CMBL: variants seen among roughly 807,000 people sequenced by gnomAD.
CMBL encodes the protein carboxymethylenebutenolidase homolog (Pseudomonas).
A neutral mutation model predicts 28.7 loss-of-function variants in CMBL; 17 were observed. The ratio of observed to expected loss-of-function variants is 0.59; its 90% CI spans 0.41 to 0.89. The LOEUF is 0.89. CMBL is among the 40% of genes least tolerant of loss of function. The probability of loss-of-function intolerance (pLI) is 0.00; values close to 1 mark genes in which losing one functional copy is unlikely to be tolerated. For synonymous variants in CMBL, 106 were observed against 101.6 expected, an observed-to-expected ratio of 1.04 and a Z score of -0.26; for missense variants, 310 against 298.5, an observed-to-expected ratio of 1.04 and a Z score of -0.28.
rs1234305699 is a variant in CMBL at position 10,290,741 on chromosome 5, A to G, written c.22T>C (p.Cys8Arg). 6.2e-7 allele frequency: 1 copy of G among 1,614,120 alleles called. No homozygotes were observed. The highest frequency in any genetic ancestry group is 8.5e-7 in the Non-Finnish European group (1 of 1,180,044). Residue 8 changes from cysteine (C) to arginine (R), a missense_variant, in exon 2 of 6, where the codon TGT (cysteine) becomes CGT (arginine). Cys to Arg is a radical substitution (Grantham distance 180). Coordinates refer to ENST00000296658, the MANE Select transcript of CMBL (RefSeq NM_138809.4). ...AGTCTGTGGCCAATGTCACACGGAC[A>G]AGGATAAGCTTCGTTAGCCATTGCA... Reference protein sequence around the residue: MANEAYPCPCDIGHRLEY... With the variant: MANEAYPRPCDIGHRLEY...
At chr5:10,300,282 C>A (rs138441092) in intron 1 of CMBL, among the ~76,000 whole-genome samples, 5 of 152,234 alleles carry the variant, frequency 3.3e-5, no homozygotes, top group Non-Finnish European at 7.4e-5. Flanking sequence ...CCACCAGACG[C>A]TGGAATAGGC....
At chr5:10,290,369 T>C (rs1043992589) in intron 2 of CMBL, 179 bp downstream of exon 2, 3 of 612,402 alleles carry the variant, frequency 4.9e-6, no homozygotes, top group Middle Eastern at 8.7e-4. Context: ...GAGCACCAGG[T>C]GGGTGTTTAA....
At chr5:10,297,956 G>A (rs1746837339) in intron 1 of CMBL, among the ~76,000 whole-genome samples, 1 of 152,166 alleles carries the variant, frequency 6.6e-6, no homozygotes, top group Admixed American at 6.5e-5. Flanking sequence ...GTGAGAGGCG[G>A]GACGAGGGCT....
intron 1 of CMBL, among the ~76,000 whole-genome samples, chr5:10,303,541 A>G (rs1746947245): frequency 6.6e-6 from 1 of 152,230 alleles, no homozygotes; most frequent in Non-Finnish European, 1.5e-5. Flanking sequence ...AAAAACTAAC[A>G]GATGTTCTAA....
intron 3 of CMBL, 55 bp downstream of exon 3, chr5:10,288,367 G>C (rs1312472408): frequency 2.3e-6 from 3 of 1,300,302 alleles, no homozygotes; most frequent in Non-Finnish European, 3.4e-6. Flanking sequence ...AGCCCACCCA[G>C]CTCTCACCTC....
chr5:10,297,270 C>A (rs942478654), intron 1 of CMBL, among the ~76,000 whole-genome samples: 3 of 150,270 alleles, frequency 2.0e-5, no homozygotes, highest in Non-Finnish European at 4.4e-5. Flanking sequence ...AGACTTTTGA[C>A]AGAAAAAGGA....
chr5:10,294,748 G>A (rs1746780145), intron 1 of CMBL, among the ~76,000 whole-genome samples: 1 of 152,228 alleles, frequency 6.6e-6, no homozygotes, highest in East Asian at 1.9e-4. Context: ...TTACGGCAGA[G>A]CCACTCAGTT....
intron 1 of CMBL, among the ~76,000 whole-genome samples, chr5:10,301,499 G>C (rs1010540835): frequency 2.6e-5 from 4 of 152,034 alleles, no homozygotes; most frequent in African/African-American, 9.7e-5. Flanking sequence ...GGTAAGGGGT[G>C]GGGGCGCGTG....
intron 1 of CMBL, among the ~76,000 whole-genome samples, chr5:10,300,422 G>A (rs1421745219): frequency 6.6e-6 from 1 of 152,104 alleles, no homozygotes; most frequent in Non-Finnish European, 1.5e-5. Flanking sequence ...GTAATGTTAT[G>A]GCAGCCCTAG....
At chr5:10,302,208 T>C (rs925119907) in intron 1 of CMBL, among the ~76,000 whole-genome samples, 1 of 152,214 alleles carries the variant, frequency 6.6e-6, no homozygotes, top group African/African-American at 2.4e-5. Context: ...ATATTTTCTG[T>C]ATATACCTTT....
chr5:10,295,927 GC>G (rs1441186998), intron 1 of CMBL, among the ~76,000 whole-genome samples: 2 of 152,264 alleles, frequency 1.3e-5, no homozygotes, highest in African/African-American at 4.8e-5. Flanking sequence ...GTTTAAAAGG[GC>G]CCCGCACTTA....
intron 1 of CMBL, among the ~76,000 whole-genome samples, chr5:10,293,337 G>A (rs1746758060): frequency 6.6e-6 from 1 of 152,220 alleles, no homozygotes; most frequent in African/African-American, 2.4e-5. Context: ...GGGACTGGCA[G>A]ATGCAATGTT....
intron 1 of CMBL, among the ~76,000 whole-genome samples, chr5:10,300,090 A>G (rs1250395392): frequency 7.9e-5 from 12 of 152,212 alleles, no homozygotes; most frequent in Admixed American, 7.9e-4. Flanking sequence ...GTCCTTGCAG[A>G]TGTCCTGTAG....
intron 1 of CMBL, 86 bp from the exon 2 acceptor site, chr5:10,290,867 A>G: frequency 1.9e-6 from 2 of 1,044,300 alleles, no homozygotes; most frequent in Non-Finnish European, 2.8e-6. Context: ...TCAAGATTAT[A>G]GAAAAAAATT....
At chr5:10,287,227 T>C (rs890453680) in intron 3 of CMBL, among the ~76,000 whole-genome samples, 5 of 152,228 alleles carry the variant, frequency 3.3e-5, no homozygotes, top group African/African-American at 1.2e-4. Flanking sequence ...TGCAAAGATA[T>C]GCAACCGAAG....
At chr5:10,281,472 C>G (rs1746496371) in intron 5 of CMBL, among the ~76,000 whole-genome samples, 1 of 152,228 alleles carries the variant, frequency 6.6e-6, no homozygotes, top group African/African-American at 2.4e-5. Context: ...CCCACCTCAG[C>G]CTTCTGAGTT....
chr5:10,306,765 T>C (rs1747007952), intron 1 of CMBL, among the ~76,000 whole-genome samples: 2 of 152,214 alleles, frequency 1.3e-5, no homozygotes, highest in Admixed American at 6.5e-5. Context: ...CAAGTGTCTA[T>C]GGTCGAGATA....
chr5:10,291,381 G>T (rs1370912237), intron 1 of CMBL, among the ~76,000 whole-genome samples: 2 of 152,096 alleles, frequency 1.3e-5, no homozygotes, highest in Admixed American at 6.5e-5. Flanking sequence ...AGCAATCCTC[G>T]GCCGGGCGCG....
chr5:10,277,762 C>T lies in CMBL; in HGVS notation c.*2691G>A, dbSNP rs145904725. Among the ~76,000 whole-genome samples the T allele has an allele frequency of 6.6e-4, 100 of 152,300 alleles. No individual in the cohort carries two copies. Among genetic ancestry groups the T allele is most frequent in the African/African-American group, 2.3e-3 (96 of 41,564 alleles). On this transcript the variant is annotated 3_prime_UTR_variant, in exon 6 of 6. Coordinates refer to ENST00000296658, the MANE Select transcript of CMBL (RefSeq NM_138809.4). ...TACGTGTGTGACTTACATTATACTT[C>T]TATCTGCAGTGCTGGTTCAGAACAC...
Sources: gnomAD v4.1 joint callset for allele counts (sites outside exome capture counted in the v4.1 genomes callset) on GRCh38, gnomAD v4.1.1 for gene constraint, MANE v1.5 for transcripts, NCBI Gene and HGNC (gene_info 2026-07-23, HGNC 2026-07-21) for gene names.